The following PPP2R2A variants were observed in gnomAD, a reference collection of about 807,000 sequenced individuals.
The protein encoded by PPP2R2A is serine/threonine-protein phosphatase 2A 55 kDa regulatory subunit B alpha isoform.
PPP2R2A carries 9 observed loss-of-function variants against 53.2 expected under a neutral mutation model. The ratio of observed to expected loss-of-function variants is 0.17; its 90% CI spans 0.10 to 0.30. PPP2R2A has a LOEUF of 0.30. Among genes scored for constraint, PPP2R2A ranks in the 10% least tolerant of loss-of-function variants. The pLI, the probability that PPP2R2A is intolerant of heterozygous loss-of-function variation, is 1.00. For missense variants in PPP2R2A, 235 were observed against 534.6 expected, an observed-to-expected ratio of 0.44 and a Z score of 5.53; for synonymous variants, 169 against 174.2, an observed-to-expected ratio of 0.97 and a Z score of 0.23.
At chr8:26,310,667 CCTTT>C (rs1802249761) in intron 2 of PPP2R2A, among the ~76,000 whole-genome samples, 2 of 33,952 alleles carry the variant, frequency 5.9e-5, no homozygotes, top group South Asian at 9.5e-4. Flanking sequence ...TTTTTTTTTT[CCTTT>C]TTTTTTTTTT....
rs1436827073 is a variant in PPP2R2A, at chr8:26,291,761, G to C, written c.-59G>C. ...ACCCCCCCATCCCCAGGTGAGGGGG[G>C]TGAGTTCAGGAAGCGGAGACCCCGA... On this transcript the variant is annotated 5_prime_UTR_variant, in exon 1 of 10. Transcript: ENST00000380737. 2.5e-6 allele frequency: 4 copies of C among 1,583,174 alleles called. No individual in the cohort carries two copies. The South Asian group carries it at 4.6e-5, about 18-fold the overall frequency.
At chr8:26,308,835 T>C (rs1033187059) in intron 2 of PPP2R2A, among the ~76,000 whole-genome samples, 16 of 152,282 alleles carry the variant, frequency 1.1e-4, no homozygotes, top group African/African-American at 3.9e-4. Flanking sequence ...AATCACTGTC[T>C]ATGTCAGTTA....
intron 2 of PPP2R2A, chr8:26,298,437 G>A (rs1801637410): frequency 6.6e-6 from 1 of 152,104 alleles, no homozygotes; most frequent in Admixed American, 6.5e-5. Context: ...TGCTCCTCTA[G>A]TAGATGATAA....
At chr8:26,357,480 C>G (rs1276261120) in intron 4 of PPP2R2A, among the ~76,000 whole-genome samples, 1 of 152,094 alleles carries the variant, frequency 6.6e-6, no homozygotes, top group Non-Finnish European at 1.5e-5. Flanking sequence ...CACCTTATAA[C>G]TTGAGTTAAT....
intron 1 of PPP2R2A, chr8:26,293,306 T>A (rs927492176): frequency 6.6e-7 from 1 of 1,514,386 alleles, no homozygotes; most frequent in Non-Finnish European, 8.9e-7. Flanking sequence ...TATTAACTCT[T>A]CTGCAGGCTT....
rs2117326059 is a variant in PPP2R2A at position 26,338,510 on chromosome 8, T to A, written c.83-380T>A. On this transcript the variant is annotated intron_variant, in intron 2 of 9. Transcript: ENST00000380737. This position sits in a 1 kb window ranked among gnomAD's most constrained non-coding sequence, Gnocchi z 4.5. ...TAATATGTGCCTTTATTATAGATGA[T>A]TATTTGCATTTGCATAAACAAGCTT... 6.6e-6 allele frequency among the ~76,000 whole-genome samples: 1 copy of A among 152,368 alleles called. No homozygotes were observed. The highest frequency in any genetic ancestry group is 2.1e-4 in the South Asian group (1 of 4,834).
intron 3 of PPP2R2A, among the ~76,000 whole-genome samples, chr8:26,344,106 T>G (rs1457343686): frequency 2.0e-5 from 3 of 152,240 alleles, no homozygotes; most frequent in Non-Finnish European, 2.9e-5. Context: ...CCACACATCC[T>G]GATTTCTACT....
Position 26,361,184 on chromosome 8 carries a change from A to G in PPP2R2A, c.637+33A>G, listed in dbSNP as rs1490948739. On this transcript the variant is annotated intron_variant, in intron 6 of 9. Coordinates refer to ENST00000380737, the MANE Select transcript of PPP2R2A (RefSeq NM_002717.4). ...TTTGGTTTTCTTTGGTGTTTGGTGA[A>G]GAAGGCATGTTGTGCCCATATTAGA... 3.2e-5 allele frequency: 49 copies of G among 1,533,386 alleles called. No homozygotes were observed. In the Admixed American group the frequency reaches 1.1e-3, roughly 33 times the overall value. 95.0% of individuals were successfully genotyped at this position (1,533,386 alleles called of 1,614,324 possible). A position where few individuals can be genotyped will look rare whatever the true frequency, so the allele number is the denominator to read the frequency against.
rs535915583 is a variant in PPP2R2A, at chr8:26,293,568, G to A, written c.8-98G>A. On this transcript the variant is annotated intron_variant, in intron 1 of 9. Coordinates refer to ENST00000380737, the MANE Select transcript of PPP2R2A (RefSeq NM_002717.4). The stretch of plus-strand genomic sequence containing the variant: ...GTAGTTGTATGTGTGGGCAGAACTA[G>A]GCTGTTAGTATCATGCCAACCATGG... 4 of 1,173,434 alleles carry A rather than the reference G, an allele frequency of 3.4e-6. No homozygotes were observed. In the East Asian group the frequency reaches 9.8e-5, roughly 29 times the overall value. 72.7% of individuals were successfully genotyped at this position (1,173,434 alleles called of 1,614,324 possible). A position where few individuals can be genotyped will look rare whatever the true frequency, so the allele number is the denominator to read the frequency against.
chr8:26,361,024 A>G lies in PPP2R2A; in HGVS notation c.510A>G (p.Arg170=). 1 of 1,607,738 alleles carries G rather than the reference A, an allele frequency of 6.2e-7. No homozygotes were observed. Among genetic ancestry groups the G allele is most frequent in the Non-Finnish European group, 8.5e-7 (1 of 1,178,816 alleles). ...MDLMVEASPR[R]IFANAHTYHI... ...TAATGGTTGAGGCCAGTCCACGAAG[A>G]ATATTTGCCAATGCTCATACATATC... Residue 170 remains arginine (R), a synonymous_variant, in exon 6 of 10, where the codon AGA becomes AGG. Transcript: ENST00000380737.
intron 2 of PPP2R2A, chr8:26,333,592 T>A (rs1406160552): frequency 9.4e-7 from 1 of 1,063,358 alleles, no homozygotes; most frequent in African/African-American, 1.6e-5. Flanking sequence ...ATGCCAAGGC[T>A]ACTAATAATT....
At chr8:26,293,583 G>A in intron 1 of PPP2R2A, 83 bp from the exon 2 acceptor site, 2 of 1,349,588 alleles carry the variant, frequency 1.5e-6, no homozygotes, top group Non-Finnish European at 2.1e-6. Flanking sequence ...TTAGTATCAT[G>A]CCAACCATGG....
At chr8:26,333,473 T>TAA (rs1803484421) in intron 2 of PPP2R2A, 1 of 1,202,320 alleles carries the variant, frequency 8.3e-7, no homozygotes, top group African/African-American at 1.5e-5. Context: ...GCACTTTGAT[T>TAA]AATTTCTTTC....
chr8:26,297,608 C>G (rs748919117), intron 2 of PPP2R2A, among the ~76,000 whole-genome samples: 27 of 152,276 alleles, frequency 1.8e-4, no homozygotes, highest in Non-Finnish European at 2.9e-4. Context: ...TTGAATCTTG[C>G]TCAGTCATTT....
At chr8:26,363,210 TAAA>T (rs57711660) in intron 7 of PPP2R2A, 28 of 126,616 alleles carry the variant, frequency 2.2e-4, no homozygotes, top group Non-Finnish European at 2.8e-4. Flanking sequence ...TTCCTTGGCT[TAAA>T]AAAAAAAAAA....
chr8:26,333,505 GTCC>G (rs1803488239), intron 2 of PPP2R2A: 1 of 1,231,408 alleles, frequency 8.1e-7, no homozygotes, highest in Admixed American at 2.3e-5. Flanking sequence ...TTGAGACATA[GTCC>G]TCAAGTGGAA....
rs180953185 is a variant in PPP2R2A, at chr8:26,351,821, A to G, written c.181-2647A>G. 4.2e-3 allele frequency among the ~76,000 whole-genome samples: 634 copies of G among 152,268 alleles called. 1 individual carries two copies. The highest frequency in any genetic ancestry group is 0.012 in the African/African-American group (505 of 41,542). On this transcript the variant is annotated intron_variant, in intron 3 of 9. Transcript: ENST00000380737. ...CACAGTCTTTATGACTTTGCTTTAA[A>G]ACTTGGTTATGATGTCCTTTAGTGA... is the stretch of plus-strand genomic sequence containing the variant.
intron 4 of PPP2R2A, among the ~76,000 whole-genome samples, chr8:26,357,798 A>G (rs976009317): frequency 2.0e-5 from 3 of 151,968 alleles, no homozygotes; most frequent in South Asian, 2.1e-4. Context: ...AGTTTCTCCA[A>G]TGCTTTAGTT....
chr8:26,342,776 T>C (rs544398547), intron 3 of PPP2R2A, among the ~76,000 whole-genome samples: 1 of 152,336 alleles, frequency 6.6e-6, no homozygotes, highest in African/African-American at 2.4e-5. Context: ...CAAAATTCCT[T>C]AACAGGATAC....
Sources: allele counts gnomAD v4.1 joint callset (sites outside exome capture counted in the v4.1 genomes callset), GRCh38; gene constraint gnomAD v4.1.1; non-coding constraint Gnocchi (gnomAD v3.1); transcripts MANE v1.5; gene names NCBI Gene and HGNC (gene_info 2026-07-23, HGNC 2026-07-21).